DRC11: variants seen among roughly 807,000 people sequenced by gnomAD.
DRC11 encodes IQ and AAA domain-containing protein 1.
At chr2:236,496,730 A>C in the DRC11 span, among the ~76,000 whole-genome samples, 2 of 152,232 alleles carry the variant, frequency 1.3e-5, no homozygotes, top group African/African-American at 4.8e-5. The surrounding 1 kb of genome is among the most constrained non-coding windows in gnomAD (Gnocchi z 6.3). Context: ...ACTGACCCAA[A>C]GTAAGGAGGA....
At chr2:236,389,290 A>C in the DRC11 span, among the ~76,000 whole-genome samples, 1 of 152,036 alleles carries the variant, frequency 6.6e-6, no homozygotes, top group Non-Finnish European at 1.5e-5. Context: ...TTGATCTCAG[A>C]CTGCTGTGCT....
the DRC11 span, among the ~76,000 whole-genome samples, chr2:236,351,952 G>A: frequency 6.6e-6 from 1 of 152,124 alleles, no homozygotes; most frequent in Non-Finnish European, 1.5e-5. The surrounding 1 kb of genome is among the most constrained non-coding windows in gnomAD (Gnocchi z 7.3). Context: ...GAGGAGAGAG[G>A]CAAGGGCAGA....
chr2:236,408,262 T>C, the DRC11 span: 1 of 856,138 alleles, frequency 1.2e-6, no homozygotes, highest in South Asian at 1.3e-5. The surrounding 1 kb of genome is among the most constrained non-coding windows in gnomAD (Gnocchi z 5.5). Context: ...GTAGCCTTTC[T>C]GCCCAGCACG....
the DRC11 span, among the ~76,000 whole-genome samples, chr2:236,406,775 T>C: frequency 2.6e-5 from 4 of 152,154 alleles, no homozygotes; most frequent in African/African-American, 9.6e-5. The surrounding 1 kb of genome is among the most constrained non-coding windows in gnomAD (Gnocchi z 4.7). Context: ...AGATGGAGTT[T>C]CACTCTGTTG....
chr2:236,366,233 T>A, the DRC11 span, among the ~76,000 whole-genome samples: 1 of 151,954 alleles, frequency 6.6e-6, no homozygotes, highest in Non-Finnish European at 1.5e-5. Context: ...GGTTTCGGAG[T>A]CTAAGCCCTA....
the DRC11 span, among the ~76,000 whole-genome samples, chr2:236,415,067 T>G: frequency 6.6e-6 from 1 of 152,178 alleles, no homozygotes; most frequent in African/African-American, 2.4e-5. The surrounding 1 kb of genome is among the most constrained non-coding windows in gnomAD (Gnocchi z 5.7). Context: ...ATGTAAAGCT[T>G]TTAGCTCTCT....
At chr2:236,357,780 T>C in the DRC11 span, among the ~76,000 whole-genome samples, 3 of 126,246 alleles carry the variant, frequency 2.4e-5, no homozygotes, top group Admixed American at 1.7e-4. Flanking sequence ...TGTAAATATA[T>C]GTTATATATA....
chr2:236,378,712 C>G, the DRC11 span, among the ~76,000 whole-genome samples: 1 of 151,580 alleles, frequency 6.6e-6, no homozygotes. Flanking sequence ...CACCGTGGCA[C>G]AGTGTGTGAG....
At chr2:236,375,755 T>G in the DRC11 span, among the ~76,000 whole-genome samples, 2 of 152,142 alleles carry the variant, frequency 1.3e-5, no homozygotes, top group African/African-American at 4.8e-5. This position sits in a 1 kb window ranked among gnomAD's most constrained non-coding sequence, Gnocchi z 4.2. Flanking sequence ...GATAATACAT[T>G]GAATAAAAAA....
At chr2:236,407,598 G>A in the DRC11 span, among the ~76,000 whole-genome samples, 11 of 152,098 alleles carry the variant, frequency 7.2e-5, no homozygotes, top group South Asian at 4.2e-4. Context: ...ACACACACAC[G>A]GGCCACATGT....
chr2:236,339,081 CA>C, the DRC11 span, among the ~76,000 whole-genome samples: 1 of 152,134 alleles, frequency 6.6e-6, no homozygotes, highest in Non-Finnish European at 1.5e-5. Flanking sequence ...AGAAGCACAC[CA>C]GGGGCAATGG....
At chr2:236,409,293 G>A in the DRC11 span, among the ~76,000 whole-genome samples, 2 of 152,114 alleles carry the variant, frequency 1.3e-5, no homozygotes, top group African/African-American at 4.8e-5. Context: ...TTGTTTGTAG[G>A]TTTGTAGTTC....
chr2:236,485,487 G>A, the DRC11 span, among the ~76,000 whole-genome samples: 3 of 152,052 alleles, frequency 2.0e-5, no homozygotes, highest in South Asian at 2.1e-4. Context: ...TACACCTTAG[G>A]TCAATGCTGG....
the DRC11 span, among the ~76,000 whole-genome samples, chr2:236,389,510 C>T: frequency 2.6e-4 from 39 of 152,308 alleles, no homozygotes; most frequent in Middle Eastern, 3.4e-3. Context: ...AATGCCTCGC[C>T]CTGCTTCGGC....
chr2:236,318,833 A>G, the DRC11 span, among the ~76,000 whole-genome samples: 28 of 152,164 alleles, frequency 1.8e-4, no homozygotes, highest in Non-Finnish European at 3.7e-4. This position sits in a 1 kb window ranked among gnomAD's most constrained non-coding sequence, Gnocchi z 7.0. Context: ...CGAGCTTTCC[A>G]TAAAGCCACA....
chr2:236,321,916 G>T, the DRC11 span, among the ~76,000 whole-genome samples: 1 of 152,100 alleles, frequency 6.6e-6, no homozygotes, highest in African/African-American at 2.4e-5. Context: ...TAAAACAATG[G>T]ACCCTAATAA....
chr2:236,366,958 T>G, the DRC11 span, among the ~76,000 whole-genome samples: 12 of 149,236 alleles, frequency 8.0e-5, no homozygotes, highest in African/African-American at 2.5e-4. Flanking sequence ...TACAGGCACC[T>G]GCCACCACAC....
At chr2:236,338,436 TGAAAG>T in the DRC11 span, 2 of 1,514,090 alleles carry the variant, frequency 1.3e-6, no homozygotes, top group South Asian at 2.4e-5. Context: ...AATGAAAAAA[TGAAAG>T]AAAATTTACT....
the DRC11 span, among the ~76,000 whole-genome samples, chr2:236,504,193 C>T: frequency 3.6e-5 from 5 of 138,654 alleles, no homozygotes; most frequent in East Asian, 2.3e-4. This position sits in a 1 kb window ranked among gnomAD's most constrained non-coding sequence, Gnocchi z 5.0. Flanking sequence ...TGAAATTACA[C>T]GGCGGTGGGG....
Sources: gnomAD v4.1 joint callset for allele counts (sites outside exome capture counted in the v4.1 genomes callset) on GRCh38, gnomAD v4.1.1 for gene constraint, Gnocchi (gnomAD v3.1) non-coding constraint, MANE v1.5 for transcripts, NCBI Gene and HGNC (gene_info 2026-07-23, HGNC 2026-07-21) for gene names.